Variants in CSNK2A3 observed in about 807,000 individuals in gnomAD.
The protein encoded by CSNK2A3 is casein kinase II subunit alpha 3.
CSNK2A3 carries 31 observed loss-of-function variants against 36.5 expected under a neutral mutation model. The ratio of observed to expected loss-of-function variants is 0.85; its 90% CI spans 0.64 to 1.15. The LOEUF (loss-of-function observed/expected upper bound fraction) is 1.15. CSNK2A3 is among the 50% of genes most tolerant of loss of function. The pLI, the probability that CSNK2A3 is intolerant of heterozygous loss-of-function variation, is 0.00. For synonymous variants in CSNK2A3, 152 were observed against 176.3 expected (o/e 0.86, Z 1.09); for missense variants, 443 against 487.2 (o/e 0.91, Z 0.85).
Position 11,352,928 on chromosome 11 carries a change from T to A in CSNK2A3, c.192A>T (p.Lys64Asn). ...FEAINITNNE[K>N]VVVKILKPVK... ...CTGGCTTGAGAATTTTAACAACAAC[T>A]TTTTCATTATTTGTGATGTTGATGG... is the stretch of plus-strand genomic sequence containing the variant. Residue 64 changes from lysine to asparagine, a missense_variant, in exon 1 of 1, where the codon AAA (lysine) becomes AAT (asparagine). By Grantham distance (94) the Lys-to-Asn change is moderately conservative. Coordinates refer to ENST00000528848, the MANE Select transcript of CSNK2A3 (RefSeq NM_001256686.2). The A allele has an allele frequency of 2.5e-6, 4 of 1,614,196 alleles. No individual in the cohort carries two copies. Among genetic ancestry groups the A allele is most frequent in the Non-Finnish European group, 3.4e-6 (4 of 1,180,024 alleles).
the CSNK2A3 span, chr11:11,352,204 G>A: frequency 9.1e-5 from 147 of 1,613,728 alleles, 1 homozygote; most frequent in South Asian, 1.4e-3. Context: ...TGGTCATATC[G>A]CAGCAGTTTG....
chr11:11,352,093 T>C lies in CSNK2A3; in HGVS notation c.1027A>G (p.Ser343Gly), dbSNP rs754440428. ...ACATTGGCGCTGCTGACGGGCGTACTGCCCCCTGGCATGCTAGATGAACCC... is the reference window on the plus strand; with the variant it reads ...ACATTGGCGCTGCTGACGGGCGTACCGCCCCCTGGCATGCTAGATGAACCC... ...RMGSSSMPGG[S>G]TPVSSANVMS... Residue 343 changes from serine to glycine, a missense_variant, in exon 1 of 1, where the codon AGT becomes GGT. Transcript: ENST00000528848. The C allele has an allele frequency of 6.2e-7, 1 of 1,613,704 alleles. No individual in the cohort carries two copies. The highest frequency in any genetic ancestry group is 1.1e-5 in the South Asian group (1 of 91,032).
In CSNK2A3 at chr11:11,353,016, T is replaced by G. The variant is rs762547389; in HGVS notation, c.104A>C (p.Asn35Thr). The G allele has an allele frequency of 1.0e-4, 166 of 1,614,124 alleles. No individual in the cohort carries two copies. Among genetic ancestry groups the G allele is most frequent in the Non-Finnish European group, 1.4e-4 (163 of 1,180,038 alleles). ...TCGAACCAGCTGGTAGTCATCTTGA[T>G]TTCCCCATTCCACCACATGTGACTC... ...DYESHVVEWG[N>T]QDDYQLVRKL... is the part of the protein sequence containing the mutation. Residue 35 changes from asparagine to threonine, a missense_variant, in exon 1 of 1, where the codon AAT (asparagine) becomes ACT (threonine). Coordinates refer to ENST00000528848, the MANE Select transcript of CSNK2A3 (RefSeq NM_001256686.2).
rs780999964 is a variant in CSNK2A3 at position 11,352,900 on chromosome 11, T to G, written c.220A>C (p.Lys74Gln). ...KVVVKILKPV[K>Q]KKKIKREIKI... is the part of the protein sequence containing the mutation. ...ATTTCACGCTTAATTTTCTTCTTTT[T>G]TACTGGCTTGAGAATTTTAACAACA... The change falls in exon 1 of 1, where the codon AAA (lysine) becomes CAA (glutamine). Residue 74 changes from lysine to glutamine, a missense_variant. Lys to Gln is a moderately conservative substitution (Grantham distance 53). Transcript: ENST00000528848. 2.5e-6 allele frequency: 4 copies of G among 1,614,104 alleles called. No homozygotes were observed. In the African/African-American group the frequency reaches 5.3e-5, roughly 22 times the overall value.
In CSNK2A3 at chr11:11,352,442, G is replaced by T. The variant is rs1355027836; in HGVS notation, c.678C>A (p.Ile226=). 1 of 1,613,996 alleles carries T rather than the reference G, an allele frequency of 6.2e-7. No homozygotes were observed. Among genetic ancestry groups the T allele is most frequent in the Non-Finnish European group, 8.5e-7 (1 of 1,180,042 alleles). ...CATGGAAAAATGGCTCCTTCCGAAA[G>T]ATCATACTTGCCAGCATACAACCCA... ...WRLGCMLASM[I]FRKEPFFHGR... Residue 226 remains isoleucine, a synonymous_variant, in exon 1 of 1, where the codon ATC becomes ATA. Coordinates refer to ENST00000528848, the MANE Select transcript of CSNK2A3 (RefSeq NM_001256686.2).
the CSNK2A3 span, chr11:11,352,763 T>TAC: frequency 6.2e-7 from 1 of 1,614,230 alleles, no homozygotes; most frequent in Non-Finnish European, 8.5e-7. Flanking sequence ...GCTTGAAGTC[T>TAC]GTGTTGTTTA....
At position 11,352,707 on chromosome 11, in the gene CSNK2A3, T is replaced by C. The variant is rs778507047; in HGVS notation, c.413A>G (p.Tyr138Cys). ...LTDYDIRFYM[Y>C]EILKALDYCH... ...ATAATCCAGGGCCTTCAGAATCTCA[T>C]ACATGTAAAATCGAATATCATAGTC... The change falls in exon 1 of 1, where the codon TAT (tyrosine) becomes TGT (cysteine). Residue 138 changes from tyrosine (Y) to cysteine (C), a missense_variant. Coordinates refer to ENST00000528848, the MANE Select transcript of CSNK2A3 (RefSeq NM_001256686.2). 4 of 1,614,158 alleles carry C rather than the reference T, an allele frequency of 2.5e-6. No homozygotes were observed. In the South Asian group the frequency reaches 3.3e-5, roughly 13 times the overall value.
chr11:11,352,798 T>C lies in CSNK2A3; in HGVS notation c.322A>G (p.Thr108Ala). Residue 108 changes from threonine (T) to alanine (A), a missense_variant, in exon 1 of 1, where the codon ACC becomes GCC. Thr to Ala is a moderately conservative substitution (Grantham distance 58). Transcript: ENST00000528848. Reference sequence around the variant, plus strand: ...ACGTGTTCAAAAACCAAGGCGGGGGTTCGTGACACAGGGTCTTTTACAATG... The same window carrying C: ...ACGTGTTCAAAAACCAAGGCGGGGGCTCGTGACACAGGGTCTTTTACAATG... The part of the protein sequence containing the change: ...ADIVKDPVSR[T>A]PALVFEHVNN... 1 of 1,614,050 alleles carries C rather than the reference T, an allele frequency of 6.2e-7. No homozygotes were observed. Among genetic ancestry groups the C allele is most frequent in the Non-Finnish European group, 8.5e-7 (1 of 1,180,014 alleles).
rs1242142108 is a variant in CSNK2A3, at chr11:11,352,573, G to A, written c.547C>T (p.His183Tyr). The A allele has an allele frequency of 6.2e-7, 1 of 1,614,036 alleles. No homozygotes were observed. The highest frequency in any genetic ancestry group is 8.5e-7 in the Non-Finnish European group (1 of 1,180,044). ...CGGACATTATATTCTTGGCCAGGAT[G>A]ATAAAACTCAGCCAAACCCCAGTCT... ...LIDWGLAEFY[H>Y]PGQEYNVRVA... The change falls in exon 1 of 1, where the codon CAT becomes TAT. Residue 183 changes from histidine to tyrosine, a missense_variant. Physicochemically the swap from His to Tyr is moderately conservative, Grantham distance 83. Transcript: ENST00000528848.
rs780032514 is a variant in CSNK2A3 at position 11,352,202 on chromosome 11, T to G, written c.918A>C (p.Arg306=). The change falls in exon 1 of 1, where the codon CGA becomes CGC. Residue 306 remains arginine, a synonymous_variant. Transcript: ENST00000528848. ...CAGTAAGCCGTGACTGGTGGTCATA[T>G]CGCAGCAGTTTGTCCAGGAAATCCA... ...EALDFLDKLL[R]YDHQSRLTAR... 1.2e-6 allele frequency: 2 copies of G among 1,613,644 alleles called. No individual in the cohort carries two copies. The highest frequency in any genetic ancestry group is 2.7e-5 in the African/African-American group (2 of 74,800).
chr11:11,352,343 G>A lies in CSNK2A3; in HGVS notation c.777C>T (p.Asp259=), dbSNP rs2133068267. The part of the protein sequence containing the change: ...LGTEDLYGYI[D]KYNIELDPRF... ...GTGGATCTAATTCAATGTTGTATTT[G>A]TCAATATAGCCATATAAATCTTCTG... The change falls in exon 1 of 1, where the codon GAC becomes GAT. Residue 259 remains aspartate, a synonymous_variant. Coordinates refer to ENST00000528848, the MANE Select transcript of CSNK2A3 (RefSeq NM_001256686.2). 2 of 1,614,056 alleles carry A rather than the reference G, an allele frequency of 1.2e-6. No homozygotes were observed. Among genetic ancestry groups the A allele is most frequent in the African/African-American group, 2.7e-5 (2 of 75,006 alleles).
In CSNK2A3 at chr11:11,352,195, G is replaced by A. The variant is rs572288829; in HGVS notation, c.925C>T (p.His309Tyr). 2.4e-5 allele frequency: 39 copies of A among 1,613,818 alleles called. No individual in the cohort carries two copies. The South Asian group carries it at 4.1e-4, about 17-fold the overall frequency. ...DFLDKLLRYDHQSRLTAREAM... is the reference protein window; with the variant it reads ...DFLDKLLRYDYQSRLTAREAM... ...TCTCTTGCAGTAAGCCGTGACTGGT[G>A]GTCATATCGCAGCAGTTTGTCCAGG... Residue 309 changes from histidine to tyrosine, a missense_variant, in exon 1 of 1, where the codon CAC (histidine) becomes TAC (tyrosine). His to Tyr is a moderately conservative substitution (Grantham distance 83). Coordinates refer to ENST00000528848, the MANE Select transcript of CSNK2A3 (RefSeq NM_001256686.2).
rs765146402 is a variant in CSNK2A3, at chr11:11,352,401, T to C, written c.719A>G (p.Asp240Gly). Residue 240 changes from aspartate to glycine, a missense_variant, in exon 1 of 1, where the codon GAT becomes GGT. Coordinates refer to ENST00000528848, the MANE Select transcript of CSNK2A3 (RefSeq NM_001256686.2). ...AAACTTGGCTATCCTCACCAACTGA[T>C]CATAATTGTCACGTCCATGGAAAAA... ...EPFFHGRDNY[D>G]QLVRIAKFLG... The C allele has an allele frequency of 1.2e-6, 2 of 1,614,112 alleles. No individual in the cohort carries two copies. The highest frequency in any genetic ancestry group is 1.7e-6 in the Non-Finnish European group (2 of 1,180,008).
At position 11,352,467 on chromosome 11, in the gene CSNK2A3, A is replaced by G; in HGVS notation, c.653T>C (p.Leu218Ser). The change falls in exon 1 of 1, where the codon TTG becomes TCG. Residue 218 changes from leucine (L) to serine (S), a missense_variant. By Grantham distance (145) the Leu-to-Ser change is moderately radical. Transcript: ENST00000528848. ...MYDYSLDMWR[L>S]GCMLASMIFR... ...GATCATACTTGCCAGCATACAACCC[A>G]ATCTCCACATATCCAAACTATAATC... 1 of 1,614,174 alleles carries G rather than the reference A, an allele frequency of 6.2e-7. No individual in the cohort carries two copies. Among genetic ancestry groups the G allele is most frequent in the South Asian group, 1.1e-5 (1 of 91,080 alleles).
chr11:11,352,988 T>G lies in CSNK2A3; in HGVS notation c.132A>C (p.Lys44Asn), dbSNP rs778898420. The stretch of plus-strand genomic sequence containing the variant: ...CTTCACTGTATTTACCTCGGCCTAA[T>G]TTTCGAACCAGCTGGTAGTCATCTT... Reference protein sequence around the residue: ...GNQDDYQLVRKLGRGKYSEVF... With the variant: ...GNQDDYQLVRNLGRGKYSEVF... Residue 44 changes from lysine (K) to asparagine (N), a missense_variant, in exon 1 of 1, where the codon AAA becomes AAC. Coordinates refer to ENST00000528848, the MANE Select transcript of CSNK2A3 (RefSeq NM_001256686.2). The G allele has an allele frequency of 5.0e-6, 8 of 1,614,204 alleles. No homozygotes were observed. The highest frequency in any genetic ancestry group is 5.9e-6 in the Non-Finnish European group (7 of 1,180,030).
At position 11,352,790 on chromosome 11, in the gene CSNK2A3, G is replaced by A. The variant is rs1302459740; in HGVS notation, c.330C>T (p.Ala110=). ...IVKDPVSRTP[A]LVFEHVNNTD... ...TGTTGTTTACGTGTTCAAAAACCAA[G>A]GCGGGGGTTCGTGACACAGGGTCTT... is the stretch of plus-strand genomic sequence containing the variant. The change falls in exon 1 of 1, where the codon GCC becomes GCT. Residue 110 remains alanine (A), a synonymous_variant. Coordinates refer to ENST00000528848, the MANE Select transcript of CSNK2A3 (RefSeq NM_001256686.2). 2 of 1,614,038 alleles carry A rather than the reference G, an allele frequency of 1.2e-6. No individual in the cohort carries two copies. The highest frequency in any genetic ancestry group is 1.7e-5 in the Admixed American group (1 of 60,006).
chr11:11,352,495 A>G lies in CSNK2A3; in HGVS notation c.625T>C (p.Tyr209His). The change falls in exon 1 of 1, where the codon TAC becomes CAC. Residue 209 changes from tyrosine (Y) to histidine (H), a missense_variant. Transcript: ENST00000528848. ...CTCCACATATCCAAACTATAATCGTACATCTGATAGTCTACAAGTAGCTCA... is the reference window on the plus strand; with the variant it reads ...CTCCACATATCCAAACTATAATCGTGCATCTGATAGTCTACAAGTAGCTCA... ...GPELLVDYQM[Y>H]DYSLDMWRLG... is the part of the protein sequence containing the mutation. 6.2e-7 allele frequency: 1 copy of G among 1,614,166 alleles called. No homozygotes were observed. Among genetic ancestry groups the G allele is most frequent in the Non-Finnish European group, 8.5e-7 (1 of 1,180,022 alleles).
At chr11:11,352,399 G>A in the CSNK2A3 span, 2 of 1,614,028 alleles carry the variant, frequency 1.2e-6, no homozygotes, top group East Asian at 2.2e-5. Flanking sequence ...CTCACCAACT[G>A]ATCATAATTG....
At position 11,352,050 on chromosome 11, in the gene CSNK2A3, G is replaced by A; in HGVS notation, c.1070C>T (p.Ser357Leu). The A allele has an allele frequency of 6.2e-7, 1 of 1,613,776 alleles. No homozygotes were observed. The part of the protein sequence containing the change: ...SSANVMSGIS[S>L]VPTPSPLGPL... ...TCCAAGGGGTGAAGGAGTTGGCACT[G>A]AAGAAATCCCTGACATCACATTGGC... Residue 357 changes from serine (S) to leucine (L), a missense_variant, in exon 1 of 1, where the codon TCA becomes TTA. Physicochemically the swap from Ser to Leu is moderately radical, Grantham distance 145. Transcript: ENST00000528848.
Sources: allele counts gnomAD v4.1 joint callset, GRCh38; gene constraint gnomAD v4.1.1; transcripts MANE v1.5; gene names NCBI Gene and HGNC (gene_info 2026-07-23, HGNC 2026-07-21).